RNF207: variants seen among roughly 807,000 people sequenced by gnomAD.
RNF207 encodes ring finger protein 207.
Under a neutral mutation model 79.0 loss-of-function variants are expected in RNF207, and 72 were observed. That is an observed-to-expected ratio of 0.91 (90% CI 0.75 to 1.11). The LOEUF (loss-of-function observed/expected upper bound fraction) is 1.11, where lower values mean the gene tolerates loss of function less well. RNF207 is among the 50% of genes least tolerant of loss of function. The probability of loss-of-function intolerance (pLI) is 0.00; values close to 1 mark genes in which losing one functional copy is unlikely to be tolerated. For missense variants in RNF207, 936 were observed against 855.8 expected (o/e 1.09, Z -1.17); for synonymous variants, 348 against 366.2 (o/e 0.95, Z 0.57).
At position 6,213,071 on chromosome 1, in the gene RNF207, C is replaced by G; in HGVS notation, c.1540C>G (p.Leu514Val). The change falls in exon 16 of 18, where the codon CTC becomes GTC. Residue 514 changes from leucine to valine, a missense_variant. Coordinates refer to ENST00000377939, the MANE Select transcript of RNF207 (RefSeq NM_207396.3). ...ANEQEIYEAQ[L>V]HDLLQLRQEN... is the part of the protein sequence containing the mutation. ...CTCTGGCCTTGGCCCCACAGCCCAG[C>G]TCCATGACCTTCTCCAGCTGAGGCA... 6.2e-7 allele frequency: 1 copy of G among 1,611,574 alleles called. No individual in the cohort carries two copies. Among genetic ancestry groups the G allele is most frequent in the Non-Finnish European group, 8.5e-7 (1 of 1,178,036 alleles).
At chr1:6,212,643 G>A (rs746184678) in intron 14 of RNF207, 39 bp from the exon 15 acceptor site, 19 of 1,581,216 alleles carry the variant, frequency 1.2e-5, no homozygotes, top group Middle Eastern at 1.7e-4. Flanking sequence ...CGTAAATTCA[G>A]CTCACTGCCA....
rs1231256536 is a variant in RNF207 at position 6,207,883 on chromosome 1, G to A, written c.324+372G>A. ...GTGGCATAGAAGCAGCTACAGCCCA[G>A]GGGAGGTGGGGACAGCATGCTGTTC... is the stretch of plus-strand genomic sequence containing the variant. On this transcript the variant is annotated intron_variant, in intron 3 of 17. Transcript: ENST00000377939. This position sits in a 1 kb window ranked among gnomAD's most constrained non-coding sequence, Gnocchi z 4.5. 2.4e-6 allele frequency: 1 copy of A among 411,206 alleles called. No individual in the cohort carries two copies. Among genetic ancestry groups the A allele is most frequent in the Admixed American group, 3.2e-5 (1 of 31,404 alleles). The allele number at this position is 411,206 out of a possible 1,614,324, so 25.5% of individuals were successfully genotyped here. A position where few individuals can be genotyped will look rare whatever the true frequency, so the allele number is the denominator to read the frequency against.
rs893752722 is a variant in RNF207 at position 6,209,329 on chromosome 1, G to C, written c.613G>C (p.Glu205Gln). 1.9e-6 allele frequency: 3 copies of C among 1,545,376 alleles called. No homozygotes were observed. In the African/African-American group the frequency reaches 4.1e-5, roughly 21 times the overall value. The change falls in exon 6 of 18, where the codon GAG becomes CAG. Residue 205 changes from glutamate to glutamine, a missense_variant. Coordinates refer to ENST00000377939, the MANE Select transcript of RNF207 (RefSeq NM_207396.3). Reference sequence around the variant, plus strand: ...TTACGTGCAGGGCTGCGAGCGGCTGGAGCAGGCGGTGCTGGTGAGCGCAGG... The same window carrying C: ...TTACGTGCAGGGCTGCGAGCGGCTGCAGCAGGCGGTGCTGGTGAGCGCAGG... ...SAYVQGCERL[E>Q]QAVLAVKALQ...
chr1:6,206,988 G>A lies in RNF207; in HGVS notation c.191+262G>A, dbSNP rs138768007. On this transcript the variant is annotated intron_variant, in intron 2 of 17. Coordinates refer to ENST00000377939, the MANE Select transcript of RNF207 (RefSeq NM_207396.3). ...CATCAAAAGTCAGAGGGTAAGGGCG[G>A]GGCTCCAGCACTGGTCAGGACGCTC... 2.6e-5 allele frequency among the ~76,000 whole-genome samples: 4 copies of A among 152,340 alleles called. 1 individual carries two copies. Among genetic ancestry groups the A allele is most frequent in the Non-Finnish European group, 2.9e-5 (2 of 68,038 alleles).
rs1486009581 is a variant in RNF207, at chr1:6,209,137, C to G, written c.492C>G (p.Leu164=). 6 of 1,557,078 alleles carry G rather than the reference C, an allele frequency of 3.9e-6. No individual in the cohort carries two copies. The highest frequency in any genetic ancestry group is 1.7e-4 in the Middle Eastern group (1 of 6,016). The stretch of plus-strand genomic sequence containing the variant: ...CAGCGCTGCACGCAGAGCCCTACCT[C>G]TTGTTCTCCACCGACAAGAAGTTGC... The part of the protein sequence containing the change: ...QKCTLHAEPY[L]LFSTDKKLLL... Residue 164 remains leucine (L), a synonymous_variant, in exon 5 of 18, where the codon CTC becomes CTG. Transcript: ENST00000377939.
chr1:6,212,097 C>T (rs1238483116), intron 13 of RNF207, 44 bp downstream of exon 13: 1 of 1,558,736 alleles, frequency 6.4e-7, no homozygotes. Flanking sequence ...TGTCCTAACC[C>T]ACTCCTCACC....
At chr1:6,210,317 G>T in intron 9 of RNF207, 22 bp downstream of exon 9, 1 of 1,613,478 alleles carries the variant, frequency 6.2e-7, no homozygotes, top group Non-Finnish European at 8.5e-7. Context: ...TCGGGGTGCG[G>T]GTGGGTCCCT....
In RNF207 at chr1:6,206,530, C is replaced by A; in HGVS notation, c.1-6C>A. ...CCCCAGCCGCCCGCTTGCGCTGTCG[C>A]TGCAGATGTCGGGAGCTATCTTCGG... On this transcript the variant is annotated splice_polypyrimidine_tract_variant and splice_region_variant and intron_variant, in intron 1 of 17. Transcript: ENST00000377939. 2.6e-6 allele frequency: 4 copies of A among 1,560,854 alleles called. No homozygotes were observed. Among genetic ancestry groups the A allele is most frequent in the Non-Finnish European group, 2.6e-6 (3 of 1,161,762 alleles).
Position 6,207,661 on chromosome 1 carries a change from A to T in RNF207, c.324+150A>T. On this transcript the variant is annotated intron_variant, in intron 3 of 17. Transcript: ENST00000377939. The surrounding 1 kb of genome is among the most constrained non-coding windows in gnomAD (Gnocchi z 4.5). Reference sequence around the variant, plus strand: ...TAGGGCACCTTGGCCCCAAATGTGAACCCCATTATACCGGTGGGGAGACTG... The same window carrying T: ...TAGGGCACCTTGGCCCCAAATGTGATCCCCATTATACCGGTGGGGAGACTG... 1 of 856,100 alleles carries T rather than the reference A, an allele frequency of 1.2e-6. No individual in the cohort carries two copies. The highest frequency in any genetic ancestry group is 1.4e-5 in the South Asian group (1 of 69,790). The allele number at this position is 856,100 out of a possible 1,614,324, so 53.0% of individuals were successfully genotyped here. A position where few individuals can be genotyped will look rare whatever the true frequency, so the allele number is the denominator to read the frequency against.
rs901880121 is a variant in RNF207, at chr1:6,212,042, G to A, written c.1285G>A (p.Asp429Asn). Residue 429 changes from aspartate (D) to asparagine (N), a missense_variant, in exon 13 of 18, where the codon GAC becomes AAC. By Grantham distance (23) the Asp-to-Asn change is conservative. Coordinates refer to ENST00000377939, the MANE Select transcript of RNF207 (RefSeq NM_207396.3). Reference protein sequence around the residue: ...PFAEHCRHYEDSYRHLQAEMQ... With the variant: ...PFAEHCRHYENSYRHLQAEMQ... ...CGCAGAGCACTGCCGCCACTATGAG[G>A]ACTCCTACCGGGTGAGGGGGCAGGG... 1 of 1,600,166 alleles carries A rather than the reference G, an allele frequency of 6.2e-7. No homozygotes were observed.
rs375576585 is a variant in RNF207 at position 6,218,236 on chromosome 1, G to T, written c.1653-53G>T. ...TTCTGAGGTTTCTGAGCTTAAGGCCGTGCAGCAGCTGGCTCTGCTCCCTTG... is the reference window on the plus strand; with the variant it reads ...TTCTGAGGTTTCTGAGCTTAAGGCCTTGCAGCAGCTGGCTCTGCTCCCTTG... On this transcript the variant is annotated intron_variant, in intron 16 of 17. Coordinates refer to ENST00000377939, the MANE Select transcript of RNF207 (RefSeq NM_207396.3). 6.2e-5 allele frequency: 79 copies of T among 1,269,888 alleles called. 2 individuals are homozygous for T. In the South Asian group the frequency reaches 9.0e-4, roughly 14 times the overall value. The allele number at this position is 1,269,888 out of a possible 1,614,324, so 78.7% of individuals were successfully genotyped here.
chr1:6,211,776 G>C lies in RNF207; in HGVS notation c.1110-91G>C, dbSNP rs1668175496. On this transcript the variant is annotated intron_variant, in intron 12 of 17. Coordinates refer to ENST00000377939, the MANE Select transcript of RNF207 (RefSeq NM_207396.3). The surrounding 1 kb of genome is among the most constrained non-coding windows in gnomAD (Gnocchi z 4.2). ...CTCCAGGTGGTGGAGAGGGCTGTGA[G>C]ATCCCGGAGCAGTCCAGGGGGCTGC... 10 of 894,672 alleles carry C rather than the reference G, an allele frequency of 1.1e-5. No homozygotes were observed. Among genetic ancestry groups the C allele is most frequent in the Non-Finnish European group, 1.7e-5 (10 of 589,090 alleles). 55.4% of individuals were successfully genotyped at this position (894,672 alleles called of 1,614,324 possible). A position where few individuals can be genotyped will look rare whatever the true frequency, so the allele number is the denominator to read the frequency against.
chr1:6,207,301 A>G lies in RNF207; in HGVS notation c.192-78A>G. ...TCCCAACACAGCTATTTTTAGCTCC[A>G]GCCTGGAATGTGAGGGGTGGGGGTG... On this transcript the variant is annotated intron_variant, in intron 2 of 17. Transcript: ENST00000377939. This position sits in a 1 kb window ranked among gnomAD's most constrained non-coding sequence, Gnocchi z 4.5. 1 of 1,437,070 alleles carries G rather than the reference A, an allele frequency of 7.0e-7. No homozygotes were observed. The highest frequency in any genetic ancestry group is 9.3e-7 in the Non-Finnish European group (1 of 1,072,524). 89.0% of individuals were successfully genotyped at this position (1,437,070 alleles called of 1,614,324 possible).
In RNF207 at chr1:6,209,871, G is replaced by A; in HGVS notation, c.754-53G>A. 6 of 1,540,136 alleles carry A rather than the reference G, an allele frequency of 3.9e-6. No homozygotes were observed. In the African/African-American group the frequency reaches 5.5e-5, roughly 14 times the overall value. Reference sequence around the variant, plus strand: ...TGGGGTCCGGGGGGTAGGCATGGTGGGAGGTGGCAGGGCTGGGGCGCAAAT... The same window carrying A: ...TGGGGTCCGGGGGGTAGGCATGGTGAGAGGTGGCAGGGCTGGGGCGCAAAT... On this transcript the variant is annotated intron_variant, in intron 7 of 17. Coordinates refer to ENST00000377939, the MANE Select transcript of RNF207 (RefSeq NM_207396.3).
At chr1:6,212,840 C>G in intron 15 of RNF207, 107 bp downstream of exon 15, 3 of 977,008 alleles carry the variant, frequency 3.1e-6, no homozygotes, top group Non-Finnish European at 3.3e-6. Flanking sequence ...AATCCCCACA[C>G]TCTTCCCCTT....
Position 6,209,113 on chromosome 1 carries a change from A to C in RNF207, c.470-2A>C. On this transcript the variant is annotated splice_acceptor_variant, in intron 4 of 17. Coordinates refer to ENST00000377939, the MANE Select transcript of RNF207 (RefSeq NM_207396.3). LOFTEE classifies it high-confidence loss of function. ...CCTCACCACCGCCCGCCGCCCCCGC[A>C]GCGCTGCACGCAGAGCCCTACCTCT... is the stretch of plus-strand genomic sequence containing the variant. 1 of 1,552,298 alleles carries C rather than the reference A, an allele frequency of 6.4e-7. No individual in the cohort carries two copies. The highest frequency in any genetic ancestry group is 8.7e-7 in the Non-Finnish European group (1 of 1,148,002).
chr1:6,208,824 T>C, intron 3 of RNF207, 57 bp from the exon 4 acceptor site: 1 of 1,479,862 alleles, frequency 6.8e-7, no homozygotes, highest in Non-Finnish European at 8.9e-7. Context: ...GCGGCTGCGG[T>C]TCCCGCGCTG....
chr1:6,211,797 G>A lies in RNF207; in HGVS notation c.1110-70G>A, dbSNP rs144800155. ...GTGAGATCCCGGAGCAGTCCAGGGG[G>A]CTGCCCTGGGAGGCTGGGGGAGGGG... On this transcript the variant is annotated intron_variant, in intron 12 of 17. Coordinates refer to ENST00000377939, the MANE Select transcript of RNF207 (RefSeq NM_207396.3). The surrounding 1 kb of genome is among the most constrained non-coding windows in gnomAD (Gnocchi z 4.2). 198 of 1,163,170 alleles carry A rather than the reference G, an allele frequency of 1.7e-4. No individual in the cohort carries two copies. The highest frequency in any genetic ancestry group is 2.3e-4 in the Non-Finnish European group (183 of 812,198). 72.1% of individuals were successfully genotyped at this position (1,163,170 alleles called of 1,614,324 possible). A position where few individuals can be genotyped will look rare whatever the true frequency, so the allele number is the denominator to read the frequency against.
chr1:6,219,125 G>C (rs1668461179), intron 17 of RNF207, 111 bp from the exon 18 acceptor site: 1 of 922,404 alleles, frequency 1.1e-6, no homozygotes, highest in Admixed American at 2.4e-5. Context: ...CACTCACTGA[G>C]GCCTTCCAGG....
Sources: allele counts gnomAD v4.1 joint callset (sites outside exome capture counted in the v4.1 genomes callset), GRCh38; gene constraint gnomAD v4.1.1; non-coding constraint Gnocchi (gnomAD v3.1); transcripts MANE v1.5; gene names NCBI Gene and HGNC (gene_info 2026-07-23, HGNC 2026-07-21).